RAPGEF4: variants seen among roughly 807,000 people sequenced by gnomAD.
RAPGEF4 encodes Rap guanine nucleotide exchange factor 4, also known as RAP guanine-nucleotide-exchange factor (GEF) 4.
In RAPGEF4, 66 loss-of-function variants were observed where a neutral mutation model predicts 147.9. That is an observed-to-expected ratio of 0.45 (90% CI 0.37 to 0.55). The LOEUF is 0.55. Among genes scored for constraint, RAPGEF4 ranks in the 20% least tolerant of loss-of-function variants. RAPGEF4 has a pLI of 0.00. For synonymous variants in RAPGEF4, 419 were observed against 442.7 expected, an observed-to-expected ratio of 0.95 and a Z score of 0.67; for missense variants, 1,071 against 1,257.3, an observed-to-expected ratio of 0.85 and a Z score of 2.24.
intron 12 of RAPGEF4, among the ~76,000 whole-genome samples, chr2:172,987,239 C>T (rs769861651): frequency 2.6e-5 from 4 of 152,088 alleles, no homozygotes; most frequent in Non-Finnish European, 5.9e-5. Flanking sequence ...GAGGTCAAGG[C>T]TGCAGTGAGC....
intron 29 of RAPGEF4, among the ~76,000 whole-genome samples, chr2:173,043,713 T>C (rs1575592981): frequency 6.6e-6 from 1 of 152,090 alleles, no homozygotes. Context: ...CACAGAAGGG[T>C]GACGCCTGCC....
Position 173,011,170 on chromosome 2 carries a change from G to GCGCACACACACA in RAPGEF4, c.1659-3293_1659-3292insGCACACACACAC, listed in dbSNP as rs564434178. Among the ~76,000 whole-genome samples, 843 of 133,540 alleles carry GCGCACACACACA rather than the reference G, an allele frequency of 6.3e-3. 4 individuals carry two copies. Among genetic ancestry groups the GCGCACACACACA allele is most frequent in the Middle Eastern group, 0.012 (3 of 254 alleles). 87.6% of individuals were successfully genotyped at this position (133,540 alleles called of 152,430 possible). A position where few individuals can be genotyped will look rare whatever the true frequency, so the allele number is the denominator to read the frequency against. On this transcript the variant is annotated intron_variant, in intron 17 of 30. Coordinates refer to ENST00000397081, the MANE Select transcript of RAPGEF4 (RefSeq NM_007023.4). ...AACCTTGGAACTTCAGCGCGCGCGCGCACACACACACACACACACACACAC... is the reference window on the plus strand; with the variant it reads ...AACCTTGGAACTTCAGCGCGCGCGCGCGCACACACACACACACACACACACACACACACACAC...
chr2:172,736,838 T>C (rs1469912356), intron 1 of RAPGEF4, among the ~76,000 whole-genome samples: 1 of 152,230 alleles, frequency 6.6e-6, no homozygotes, highest in African/African-American at 2.4e-5. Context: ...GATTAAAAGG[T>C]GATGCATCTG....
chr2:172,887,775 G>A (rs1040414451), intron 4 of RAPGEF4, among the ~76,000 whole-genome samples: 3 of 151,914 alleles, frequency 2.0e-5, no homozygotes, highest in African/African-American at 4.8e-5. Flanking sequence ...CTGAGCCTTC[G>A]CACATACTGT....
chr2:173,031,584 A>G (rs1373678215), intron 26 of RAPGEF4, among the ~76,000 whole-genome samples: 5 of 152,204 alleles, frequency 3.3e-5, no homozygotes, highest in Admixed American at 3.3e-4. Context: ...TGTGGGTACC[A>G]CAGATCAGCC....
intron 22 of RAPGEF4, among the ~76,000 whole-genome samples, chr2:173,019,121 C>T (rs1695790898): frequency 6.6e-6 from 1 of 152,094 alleles, no homozygotes; most frequent in Non-Finnish European, 1.5e-5. Context: ...AATATGGGCC[C>T]CAAGAGGAAA....
chr2:172,866,566 A>G (rs1694671195), intron 4 of RAPGEF4, among the ~76,000 whole-genome samples: 1 of 152,130 alleles, frequency 6.6e-6, no homozygotes, highest in African/African-American at 2.4e-5. Context: ...CCGTTAATAC[A>G]TACATACTAT....
chr2:172,915,095 T>C (rs1683915134), intron 4 of RAPGEF4, among the ~76,000 whole-genome samples: 1 of 152,248 alleles, frequency 6.6e-6, no homozygotes, highest in African/African-American at 2.4e-5. Flanking sequence ...TTAGTGAATG[T>C]TTATTAAAAA....
In RAPGEF4 at chr2:172,965,404, A is replaced by T; in HGVS notation, c.699-158A>T. On this transcript the variant is annotated intron_variant, in intron 8 of 30. Coordinates refer to ENST00000397081, the MANE Select transcript of RAPGEF4 (RefSeq NM_007023.4). ...TTTTTGGCTTGTATTAGCATTTGAG[A>T]ACCTGAAGCTACCGCGTGTGGTGCT... 4 of 807,448 alleles carry T rather than the reference A, an allele frequency of 5.0e-6. No individual in the cohort carries two copies. In the South Asian group the frequency reaches 6.8e-5, roughly 14 times the overall value. The allele number at this position is 807,448 out of a possible 1,614,324, so 50.0% of individuals were successfully genotyped here.
intron 17 of RAPGEF4, 83 bp downstream of exon 17, chr2:173,001,427 C>T (rs1468617400): frequency 6.4e-7 from 1 of 1,553,186 alleles, no homozygotes; most frequent in African/African-American, 1.4e-5. Flanking sequence ...TCATCTTCTG[C>T]AGGTAAGTCA....
intron 17 of RAPGEF4, among the ~76,000 whole-genome samples, chr2:173,008,113 A>C (rs1156888724): frequency 1.3e-5 from 2 of 151,966 alleles, no homozygotes; most frequent in Non-Finnish European, 2.9e-5. Context: ...TTCTCATGAG[A>C]TCTGATGGTT....
chr2:172,768,486 G>T (rs1229172987), intron 1 of RAPGEF4, among the ~76,000 whole-genome samples: 1 of 142,188 alleles, frequency 7.0e-6, no homozygotes, highest in Non-Finnish European at 1.5e-5. Context: ...GGAGCCAGTA[G>T]AATTTTTGCA....
intron 4 of RAPGEF4, among the ~76,000 whole-genome samples, chr2:172,824,564 T>C (rs1689457003): frequency 6.6e-6 from 1 of 152,226 alleles, no homozygotes; most frequent in Non-Finnish European, 1.5e-5. Context: ...TATGTAATAA[T>C]GGCAGTCAGT....
chr2:172,919,719 T>G (rs1161670513), intron 5 of RAPGEF4, among the ~76,000 whole-genome samples: 3 of 152,200 alleles, frequency 2.0e-5, no homozygotes, highest in African/African-American at 4.8e-5. Flanking sequence ...TCTACCTGGT[T>G]GTCCTGCTGG....
At chr2:172,830,904 C>A (rs1300700185) in intron 4 of RAPGEF4, among the ~76,000 whole-genome samples, 6 of 152,088 alleles carry the variant, frequency 3.9e-5, no homozygotes, top group Non-Finnish European at 8.8e-5. Flanking sequence ...CCCTCCCCTG[C>A]CCCAACCACC....
At chr2:172,824,582 A>G (rs923175275) in intron 4 of RAPGEF4, among the ~76,000 whole-genome samples, 3 of 152,198 alleles carry the variant, frequency 2.0e-5, no homozygotes, top group Admixed American at 1.3e-4. Flanking sequence ...AGTACTTTAG[A>G]GTCAGAATCT....
chr2:172,913,963 A>ACC (rs1683745360), intron 4 of RAPGEF4, among the ~76,000 whole-genome samples: 2 of 152,180 alleles, frequency 1.3e-5, no homozygotes, highest in South Asian at 4.1e-4. Context: ...ATGTATATTC[A>ACC]CACACACAAA....
chr2:173,021,271 T>C (rs999609856), intron 23 of RAPGEF4, among the ~76,000 whole-genome samples: 7 of 152,220 alleles, frequency 4.6e-5, no homozygotes, highest in Admixed American at 4.6e-4. Context: ...TAGCCTGCTC[T>C]CTTTTAAGTC....
At chr2:172,967,111 A>G (rs1456926716) in intron 9 of RAPGEF4, 150 bp from the exon 10 acceptor site, 15 of 702,318 alleles carry the variant, frequency 2.1e-5, no homozygotes, top group Admixed American at 5.7e-5. Flanking sequence ...CCAGCTGCAC[A>G]GTCTGGGCAG....
Sources: allele counts gnomAD v4.1 joint callset (sites outside exome capture counted in the v4.1 genomes callset), GRCh38; gene constraint gnomAD v4.1.1; transcripts MANE v1.5; gene names NCBI Gene and HGNC (gene_info 2026-07-23, HGNC 2026-07-21).